Variants in CDH23 observed in about 807,000 individuals in gnomAD.
The protein encoded by CDH23 is cadherin related 23.
In CDH23, 189 loss-of-function variants were observed where a neutral mutation model predicts 317.1. The ratio of observed to expected loss-of-function variants is 0.60; its 90% CI spans 0.53 to 0.67. CDH23 has a LOEUF of 0.67. CDH23 is among the 30% of genes least tolerant of loss of function. The pLI is 0.00. For synonymous variants in CDH23, 1,839 were observed against 1,876.8 expected (o/e 0.98, Z 0.52); for missense variants, 4,401 against 4,592.4 (o/e 0.96, Z 1.20).
intron 8 of CDH23, among the ~76,000 whole-genome samples, chr10:71,574,017 CAGTGTAGA>C (rs1857993940): frequency 6.6e-6 from 1 of 152,170 alleles, no homozygotes; most frequent in Non-Finnish European, 1.5e-5. Flanking sequence ...TGTCCCTTTA[CAGTGTAGA>C]ACCCTGATTT....
intron 38 of CDH23, chr10:71,773,529 G>C (rs1475232326): frequency 1.6e-6 from 2 of 1,277,016 alleles, no homozygotes; most frequent in Non-Finnish European, 2.2e-6. Flanking sequence ...CTGAGTGCGA[G>C]CGAGTGAGCG....
At chr10:71,525,098 G>GGGT (rs34429964) in intron 6 of CDH23, among the ~76,000 whole-genome samples, 17,581 of 152,054 alleles carry the variant, frequency 0.12, 1,192 homozygotes, top group African/African-American at 0.16. Flanking sequence ...AGTAGAGACT[G>GGGT]GGTTTCACCA....
At chr10:71,801,150 CTTT>C (rs386371783) in intron 53 of CDH23, among the ~76,000 whole-genome samples, 22 of 73,972 alleles carry the variant, frequency 3.0e-4, no homozygotes, top group African/African-American at 1.2e-3. Context: ...CTCTCTCTCT[CTTT>C]TTTTTTTTTT....
intron 2 of CDH23, among the ~76,000 whole-genome samples, chr10:71,442,396 G>A (rs1367972381): frequency 6.6e-6 from 1 of 152,008 alleles, no homozygotes; most frequent in African/African-American, 2.4e-5. Context: ...ACCTTCCCAG[G>A]CCCTCTAGAC....
intron 1 of CDH23, among the ~76,000 whole-genome samples, chr10:71,423,461 G>A (rs1848904706): frequency 6.6e-6 from 1 of 152,220 alleles, no homozygotes; most frequent in African/African-American, 2.4e-5. Flanking sequence ...CATTGCCTCT[G>A]GAGTAGGAAG....
chr10:71,609,048 C>G (rs1185600469), intron 9 of CDH23, among the ~76,000 whole-genome samples: 1 of 152,144 alleles, frequency 6.6e-6, no homozygotes, highest in East Asian at 1.9e-4. Context: ...GTTCAAGATG[C>G]TGCCAGTGAG....
At chr10:71,625,924 T>A (rs951039236) in intron 11 of CDH23, among the ~76,000 whole-genome samples, 11 of 152,322 alleles carry the variant, frequency 7.2e-5, no homozygotes, top group Admixed American at 5.2e-4. Context: ...AAAACCACAG[T>A]GGTATTAGCA....
intron 11 of CDH23, among the ~76,000 whole-genome samples, chr10:71,633,515 G>A (rs1862118312): frequency 1.3e-5 from 2 of 152,108 alleles, no homozygotes. Context: ...ACACAGGACT[G>A]TCACCAGGGA....
At chr10:71,728,851 A>G (rs1301587431) in intron 30 of CDH23, among the ~76,000 whole-genome samples, 4 of 152,036 alleles carry the variant, frequency 2.6e-5, no homozygotes, top group Admixed American at 6.6e-5. Flanking sequence ...TTACAGATGC[A>G]TGTCACCACC....
chr10:71,740,741 T>G, intron 36 of CDH23, 81 bp from the exon 37 acceptor site: 1 of 1,580,212 alleles, frequency 6.3e-7, no homozygotes, highest in Non-Finnish European at 8.6e-7. Flanking sequence ...CCCCACTGAT[T>G]GCACAGCCCT....
At chr10:71,410,044 C>T (rs1330743286) in intron 1 of CDH23, among the ~76,000 whole-genome samples, 1 of 152,200 alleles carries the variant, frequency 6.6e-6, no homozygotes, top group Non-Finnish European at 1.5e-5. Context: ...AGCTCTTTCA[C>T]TTATGAACTG....
Position 71,807,737 on chromosome 10 carries a change from C to T in CDH23, c.8530C>T (p.Pro2844Ser), listed in dbSNP as rs758304963. ...GCTAGAGGACATCAACGACCAGCCA[C>T]CACGCTTCACCAAGGCTGAGTACAC... The part of the protein sequence containing the change: ...VVLEDINDQP[P>S]RFTKAEYTAG... The change falls in exon 59 of 70, where the codon CCA becomes TCA. Residue 2844 changes from proline (P) to serine (S), a missense_variant. Transcript: ENST00000224721. 3.1e-6 allele frequency: 5 copies of T among 1,606,960 alleles called. No homozygotes were observed. The South Asian group carries it at 5.6e-5, about 18-fold the overall frequency.
intron 3 of CDH23, among the ~76,000 whole-genome samples, chr10:71,459,582 T>C (rs1489490594): frequency 6.6e-6 from 1 of 152,170 alleles, no homozygotes; most frequent in Non-Finnish European, 1.5e-5. Context: ...GATGCGTTAC[T>C]CTTCCAAGGG....
chr10:71,452,277 C>T (rs77643629), intron 3 of CDH23, among the ~76,000 whole-genome samples: 4,464 of 152,198 alleles, frequency 0.029, 226 homozygotes, highest in African/African-American at 0.099. Flanking sequence ...AGGCCCTGCA[C>T]CTTGGCCACC....
At chr10:71,627,924 C>T (rs1225893289) in intron 11 of CDH23, among the ~76,000 whole-genome samples, 1 of 152,182 alleles carries the variant, frequency 6.6e-6, no homozygotes, top group African/African-American at 2.4e-5. Flanking sequence ...TTCCTCTCCC[C>T]AGCACCTCTT....
intron 14 of CDH23, among the ~76,000 whole-genome samples, chr10:71,660,814 T>G (rs1343704826): frequency 2.0e-5 from 3 of 152,220 alleles, no homozygotes; most frequent in African/African-American, 7.2e-5. Context: ...TGGGTGGTGA[T>G]AGTTCATTGT....
chr10:71,625,680 A>G (rs1186419378), intron 11 of CDH23, among the ~76,000 whole-genome samples: 2 of 152,166 alleles, frequency 1.3e-5, no homozygotes, highest in Non-Finnish European at 2.9e-5. Flanking sequence ...CAGTGCCTCC[A>G]GGCCCTCCCC....
chr10:71,501,265 T>C (rs1361915524), intron 3 of CDH23, among the ~76,000 whole-genome samples: 1 of 152,090 alleles, frequency 6.6e-6, no homozygotes, highest in African/African-American at 2.4e-5. Context: ...ATGAAAACCA[T>C]TGAGTGTGGT....
chr10:71,714,948 A>C (rs899289924), intron 28 of CDH23: 22 of 152,240 alleles, frequency 1.4e-4, no homozygotes, highest in African/African-American at 5.3e-4. Context: ...GATTCTGAGA[A>C]GCCCATCCTG....
Sources: gnomAD v4.1 joint callset for allele counts (sites outside exome capture counted in the v4.1 genomes callset) on GRCh38, gnomAD v4.1.1 for gene constraint, MANE v1.5 for transcripts, NCBI Gene and HGNC (gene_info 2026-07-23, HGNC 2026-07-21) for gene names.